Variants in ZCWPW2 observed in about 807,000 individuals in gnomAD.
ZCWPW2 encodes the protein zinc finger CW-type PWWP domain protein 2.
In ZCWPW2, 45 loss-of-function variants were observed where a neutral mutation model predicts 46.6. That is an observed-to-expected ratio of 0.96 (90% CI 0.76 to 1.24). The LOEUF is 1.24. Ranked by LOEUF, ZCWPW2 falls within the 50% of genes most tolerant of loss-of-function variation. The probability of loss-of-function intolerance (pLI) is 0.00; values close to 1 mark genes in which losing one functional copy is unlikely to be tolerated. For synonymous variants in ZCWPW2, 152 were observed against 137.1 expected, an observed-to-expected ratio of 1.11 and a Z score of -0.76; for missense variants, 429 against 403.9, an observed-to-expected ratio of 1.06 and a Z score of -0.53.
chr3:28,446,572 A>G (rs900295016), intron 4 of ZCWPW2, among the ~76,000 whole-genome samples: 1 of 152,114 alleles, frequency 6.6e-6, no homozygotes, highest in African/African-American at 2.4e-5. Context: ...TAAAAAAACA[A>G]TAAATATTTC....
At chr3:28,492,091 A>G (rs1270460516) in intron 5 of ZCWPW2, 36 bp from the exon 6 acceptor site, 1 of 1,601,846 alleles carries the variant, frequency 6.2e-7, no homozygotes, top group East Asian at 2.3e-5. Context: ...GAACATAGGC[A>G]CTTTTTTGAA....
intron 1 of ZCWPW2, among the ~76,000 whole-genome samples, chr3:28,376,548 T>A (rs1705505343): frequency 6.6e-6 from 1 of 152,108 alleles, no homozygotes; most frequent in African/African-American, 2.4e-5. Flanking sequence ...TGGCAGATTG[T>A]GGGAGGAGTG....
chr3:28,509,937 G>A (rs1253658873), intron 6 of ZCWPW2, among the ~76,000 whole-genome samples: 1 of 152,114 alleles, frequency 6.6e-6, no homozygotes, highest in African/African-American at 2.4e-5. Flanking sequence ...TCTGAGAGTT[G>A]TAAGTTTTAT....
chr3:28,420,159 G>A (rs1238942825), intron 3 of ZCWPW2, among the ~76,000 whole-genome samples: 1 of 151,552 alleles, frequency 6.6e-6, no homozygotes, highest in Non-Finnish European at 1.5e-5. Context: ...TCTGATCTTA[G>A]TTATTTCTTG....
intron 2 of ZCWPW2, among the ~76,000 whole-genome samples, chr3:28,399,059 G>T (rs1049422269): frequency 6.6e-6 from 1 of 152,264 alleles, no homozygotes; most frequent in South Asian, 2.1e-4. Flanking sequence ...AGCCCCATTT[G>T]CCCACTGCCT....
At chr3:28,490,920 A>G (rs908827261) in intron 5 of ZCWPW2, among the ~76,000 whole-genome samples, 1 of 152,116 alleles carries the variant, frequency 6.6e-6, no homozygotes, top group African/African-American at 2.4e-5. Context: ...TTAAGGTAAA[A>G]TGTATATTTC....
chr3:28,524,615 T>G lies in ZCWPW2; in HGVS notation c.998T>G (p.Leu333Ter). Residue 333 changes from leucine to a stop codon, truncating the protein, a stop_gained, in exon 10 of 10, where the codon TTA becomes TGA. Coordinates refer to ENST00000383768, the MANE Select transcript of ZCWPW2 (RefSeq NM_001040432.4). LOFTEE classifies it high-confidence loss of function. Reference protein sequence around the residue: ...EDYLVIDGIKLKAGECIEDIT... With the variant: ...EDYLVIDGIK ...TATCTTGTAATTGATGGGATAAAATTAAAAGCTGGAGAATGTATTGAGGAT... is the reference window on the plus strand; with the variant it reads ...TATCTTGTAATTGATGGGATAAAATGAAAAGCTGGAGAATGTATTGAGGAT... The G allele has an allele frequency of 1.2e-6, 2 of 1,608,454 alleles. No individual in the cohort carries two copies. Among genetic ancestry groups the G allele is most frequent in the Non-Finnish European group, 1.7e-6 (2 of 1,177,088 alleles).
chr3:28,437,930 T>G (rs1272482693), intron 4 of ZCWPW2, among the ~76,000 whole-genome samples: 1 of 152,124 alleles, frequency 6.6e-6, no homozygotes, highest in Non-Finnish European at 1.5e-5. Context: ...CTAATGTAAC[T>G]ATTTTTGAAC....
At chr3:28,357,282 C>T (rs778392486) in intron 1 of ZCWPW2, among the ~76,000 whole-genome samples, 11 of 152,094 alleles carry the variant, frequency 7.2e-5, no homozygotes, top group Admixed American at 1.3e-4. Context: ...TTTTCAAATA[C>T]GTTGTGTAGC....
rs573649203 is a variant in ZCWPW2 at position 28,433,755 on chromosome 3, TA to T, written c.333-1341del. On this transcript the variant is annotated intron_variant, in intron 3 of 9. Transcript: ENST00000383768. ...TGGGTGACAGAGCAAGACTCCCTCT[TA>T]AAAAAAAAAAAAACAAAAAACAAAA... Among the ~76,000 whole-genome samples the T allele has an allele frequency of 1.0e-3, 140 of 133,458 alleles. 1 individual carries two copies. The highest frequency in any genetic ancestry group is 3.7e-3 in the Middle Eastern group (1 of 272). The allele number at this position is 133,458 out of a possible 152,430, so 87.6% of individuals were successfully genotyped here.
At chr3:28,524,232 A>C (rs1700796742) in intron 9 of ZCWPW2, among the ~76,000 whole-genome samples, 1 of 152,048 alleles carries the variant, frequency 6.6e-6, no homozygotes, top group Admixed American at 6.6e-5. Context: ...TAATGTAAAA[A>C]ATAAAACAAC....
intron 5 of ZCWPW2, among the ~76,000 whole-genome samples, chr3:28,483,151 G>A (rs1699488145): frequency 6.6e-6 from 1 of 152,122 alleles, no homozygotes; most frequent in African/African-American, 2.4e-5. Flanking sequence ...TTCATTGTGA[G>A]TTCCTTTTTG....
intron 4 of ZCWPW2, among the ~76,000 whole-genome samples, chr3:28,444,621 G>A (rs1299662195): frequency 6.6e-6 from 1 of 152,072 alleles, no homozygotes; most frequent in Non-Finnish European, 1.5e-5. Flanking sequence ...ACCTTTCTTT[G>A]CAGGTCAGTC....
At chr3:28,385,656 C>A (rs985198306) in intron 1 of ZCWPW2, among the ~76,000 whole-genome samples, 2 of 152,076 alleles carry the variant, frequency 1.3e-5, no homozygotes, top group Non-Finnish European at 2.9e-5. Flanking sequence ...TGTGGTTGAC[C>A]AAAATTGATT....
At chr3:28,387,277 C>G (rs1419459821) in intron 1 of ZCWPW2, among the ~76,000 whole-genome samples, 1 of 152,148 alleles carries the variant, frequency 6.6e-6, no homozygotes, top group Non-Finnish European at 1.5e-5. Context: ...GTTTTCTTCT[C>G]TTTGTTCCCA....
At chr3:28,426,628 A>G (rs149050077) in intron 3 of ZCWPW2, among the ~76,000 whole-genome samples, 193 of 152,286 alleles carry the variant, frequency 1.3e-3, no homozygotes, top group African/African-American at 4.3e-3. Context: ...TATTTTGCAT[A>G]TCAATTAATA....
intron 9 of ZCWPW2, among the ~76,000 whole-genome samples, chr3:28,523,185 G>A (rs914619880): frequency 6.6e-6 from 1 of 152,118 alleles, no homozygotes; most frequent in African/African-American, 2.4e-5. Flanking sequence ...GTAAAAATTA[G>A]CAATTTTAAC....
Position 28,349,153 on chromosome 3 carries a change from G to T in ZCWPW2, c.-184G>T. ...ACATGTCCCGTGAGCCTCCGCGGCG[G>T]GACGGGGCGGGGCCGCGGGACGCCA... On this transcript the variant is annotated 5_prime_UTR_variant, in exon 1 of 10. Coordinates refer to ENST00000383768, the MANE Select transcript of ZCWPW2 (RefSeq NM_001040432.4). The T allele has an allele frequency of 2.0e-6, 2 of 985,636 alleles. No homozygotes were observed. Among genetic ancestry groups the T allele is most frequent in the Non-Finnish European group, 2.4e-6 (2 of 830,134 alleles). 61.1% of individuals were successfully genotyped at this position (985,636 alleles called of 1,614,324 possible).
At position 28,349,139 on chromosome 3, in the gene ZCWPW2, G is replaced by C. The variant is rs1704418462; in HGVS notation, c.-198G>C. 1.0e-6 allele frequency: 1 copy of C among 985,646 alleles called. No individual in the cohort carries two copies. Among genetic ancestry groups the C allele is most frequent in the Non-Finnish European group, 1.2e-6 (1 of 830,144 alleles). 61.1% of individuals were successfully genotyped at this position (985,646 alleles called of 1,614,324 possible). A position where few individuals can be genotyped will look rare whatever the true frequency, so the allele number is the denominator to read the frequency against. On this transcript the variant is annotated 5_prime_UTR_variant, in exon 1 of 10. Transcript: ENST00000383768. The stretch of plus-strand genomic sequence containing the variant: ...GCGCGCGGCGTACTACATGTCCCGT[G>C]AGCCTCCGCGGCGGGACGGGGCGGG...
Sources: allele counts gnomAD v4.1 joint callset (sites outside exome capture counted in the v4.1 genomes callset), GRCh38; gene constraint gnomAD v4.1.1; transcripts MANE v1.5; gene names NCBI Gene and HGNC (gene_info 2026-07-23, HGNC 2026-07-21).